Variants in BICDL1 observed in about 807,000 individuals in gnomAD.
BICDL1 encodes the protein BICD family like cargo adaptor 1, also known as BICD family-like cargo adapter 1.
In BICDL1, 20 loss-of-function variants were observed where a neutral mutation model predicts 76.8. The observed-to-expected ratio is 0.26, with a 90% confidence interval of 0.18 to 0.38. BICDL1 has a LOEUF of 0.38. Ranked by LOEUF, BICDL1 falls within the 10% of genes least tolerant of loss-of-function variation. The probability of loss-of-function intolerance (pLI) is 1.00; values close to 1 mark genes in which losing one functional copy is unlikely to be tolerated. For synonymous variants in BICDL1, 383 were observed against 337.1 expected, an observed-to-expected ratio of 1.14 and a Z score of -1.49; for missense variants, 700 against 798.6, an observed-to-expected ratio of 0.88 and a Z score of 1.49.
intron 2 of BICDL1, among the ~76,000 whole-genome samples, chr12:120,026,113 C>T (rs1047804540): frequency 1.3e-5 from 2 of 152,194 alleles, no homozygotes; most frequent in South Asian, 4.1e-4. Flanking sequence ...GCTGGGATTA[C>T]AGGCATGAAC....
rs185429153 is a variant in BICDL1, at chr12:120,094,082, C to A, written c.*921C>A. Reference sequence around the variant, plus strand: ...CACCCCACCTTGAGGGCAGCACAGGCACCACGGGGTGGAGGGGAGGGGGAG... The same window carrying A: ...CACCCCACCTTGAGGGCAGCACAGGAACCACGGGGTGGAGGGGAGGGGGAG... On this transcript the variant is annotated 3_prime_UTR_variant, in exon 10 of 10. Coordinates refer to ENST00000548673, the MANE Select transcript of BICDL1 (RefSeq NM_001367886.1). 1.9e-3 allele frequency: 783 copies of A among 407,974 alleles called. 3 individuals are homozygous for A. Among genetic ancestry groups the A allele is most frequent in the African/African-American group, 0.013 (620 of 48,098 alleles). 25.3% of individuals were successfully genotyped at this position (407,974 alleles called of 1,614,324 possible). A position where few individuals can be genotyped will look rare whatever the true frequency, so the allele number is the denominator to read the frequency against.
intron 2 of BICDL1, among the ~76,000 whole-genome samples, chr12:120,011,996 G>A (rs956526843): frequency 3.9e-5 from 6 of 152,174 alleles, no homozygotes; most frequent in African/African-American, 1.4e-4. Flanking sequence ...CCACATGTAC[G>A]TATGCGATCT....
chr12:119,993,583 T>C (rs1383665215), intron 1 of BICDL1, among the ~76,000 whole-genome samples: 1 of 152,166 alleles, frequency 6.6e-6, no homozygotes. Flanking sequence ...CTGTATTTTG[T>C]TACTCATTCA....
rs75190288 is a variant in BICDL1 at position 120,058,210 on chromosome 12, C to T, written c.646-3500C>T. Among the ~76,000 whole-genome samples, 93 of 152,220 alleles carry T rather than the reference C, an allele frequency of 6.1e-4. 1 individual carries two copies. The highest frequency in any genetic ancestry group is 2.1e-3 in the African/African-American group (89 of 41,530). ...AGCTTTTGCTGTGCATATCCCTGGG[C>T]ATAGTTGAGGAGTCAGACATTTAAA... On this transcript the variant is annotated intron_variant, in intron 2 of 9. Transcript: ENST00000548673.
chr12:120,093,947 TCTC>T lies in BICDL1; in HGVS notation c.*794_*796del, dbSNP rs1199615183. On this transcript the variant is annotated 3_prime_UTR_variant, in exon 10 of 10. Coordinates refer to ENST00000548673, the MANE Select transcript of BICDL1 (RefSeq NM_001367886.1). The stretch of plus-strand genomic sequence containing the variant: ...TGCTCAGGGCTGGGGTTGGACGGGG[TCTC>T]CTCCTCCCACAGCTCCCTCCTCCAC... The T allele has an allele frequency of 7.6e-5, 24 of 317,702 alleles. No individual in the cohort carries two copies. The highest frequency in any genetic ancestry group is 5.2e-4 in the African/African-American group (24 of 46,072). The allele number at this position is 317,702 out of a possible 1,614,324, so 19.7% of individuals were successfully genotyped here. A position where few individuals can be genotyped will look rare whatever the true frequency, so the allele number is the denominator to read the frequency against.
chr12:120,014,332 T>C (rs546255249), intron 2 of BICDL1, among the ~76,000 whole-genome samples: 11 of 152,332 alleles, frequency 7.2e-5, no homozygotes, highest in Non-Finnish European at 1.5e-4. Flanking sequence ...TAAAATTTAA[T>C]GTAGCATCGG....
intron 2 of BICDL1, among the ~76,000 whole-genome samples, chr12:120,001,683 G>A (rs1424138148): frequency 1.3e-5 from 2 of 152,128 alleles, no homozygotes; most frequent in Admixed American, 1.3e-4. Flanking sequence ...GGCCTCCAGG[G>A]CTGCTCTTCT....
intron 8 of BICDL1, among the ~76,000 whole-genome samples, chr12:120,087,264 C>G (rs1874498839): frequency 6.6e-6 from 1 of 152,248 alleles, no homozygotes; most frequent in Admixed American, 6.5e-5. Flanking sequence ...GGCTCGGGTC[C>G]CGTCGCTGCC....
chr12:120,092,312 TG>T (rs1478133833), intron 9 of BICDL1: 15 of 985,262 alleles, frequency 1.5e-5, no homozygotes, highest in African/African-American at 1.7e-5. Context: ...GAATTCGAGT[TG>T]GGGGACGGTC....
At chr12:120,021,443 C>T (rs1248694907) in intron 2 of BICDL1, among the ~76,000 whole-genome samples, 3 of 150,312 alleles carry the variant, frequency 2.0e-5, no homozygotes, top group African/African-American at 4.9e-5. Flanking sequence ...AAAAATTAGC[C>T]GGGCATGGTG....
chr12:120,076,489 T>G lies in BICDL1; in HGVS notation c.1452+1903T>G, dbSNP rs561002673. Among the ~76,000 whole-genome samples the G allele has an allele frequency of 3.3e-5, 5 of 152,346 alleles. No homozygotes were observed. The East Asian group carries it at 9.6e-4, about 29-fold the overall frequency. ...ACTCCACAGTGGATGCGGGGGGCAT[T>G]GTTTTATTCAGAAACATAAGCAAAT... On this transcript the variant is annotated intron_variant, in intron 7 of 9. Transcript: ENST00000548673.
At chr12:120,080,611 T>G (rs542163450) in intron 7 of BICDL1, 82 of 303,776 alleles carry the variant, frequency 2.7e-4, no homozygotes, top group African/African-American at 1.5e-3. Context: ...TATGCCGTGC[T>G]GAGTGCAAAG....
chr12:120,025,287 T>G (rs1050951547), intron 2 of BICDL1, among the ~76,000 whole-genome samples: 2 of 152,034 alleles, frequency 1.3e-5, no homozygotes. Flanking sequence ...CCTGACCTCG[T>G]GATCCGCCCT....
At position 120,071,484 on chromosome 12, in the gene BICDL1, GTAGT is replaced by G; in HGVS notation, c.910-136_910-133del. The stretch of plus-strand genomic sequence containing the variant: ...GATTTTGCTGAGTGCATCTCCTGAT[GTAGT>G]TTAACATGTTCTTCTCTCCTATTTA... On this transcript the variant is annotated intron_variant, in intron 4 of 9. Transcript: ENST00000548673. The surrounding 1 kb of genome is among the most constrained non-coding windows in gnomAD (Gnocchi z 4.8). The G allele has an allele frequency of 2.4e-6, 3 of 1,244,120 alleles. No individual in the cohort carries two copies. The highest frequency in any genetic ancestry group is 3.1e-5 in the African/African-American group (2 of 65,236). The allele number at this position is 1,244,120 out of a possible 1,614,324, so 77.1% of individuals were successfully genotyped here.
In BICDL1 at chr12:119,989,462, G is replaced by GGCGGCA. The variant is rs1555277935; in HGVS notation, c.-405_-404insGGCAGC. On this transcript the variant is annotated 5_prime_UTR_variant, in exon 1 of 10. Coordinates refer to ENST00000548673, the MANE Select transcript of BICDL1 (RefSeq NM_001367886.1). Reference sequence around the variant, plus strand: ...CGTGAGGCGCTGCCCGGCCGGCGGCGGCAGCAGCAGCAGCAGCGGCAGCGG... The same window carrying GGCGGCA: ...CGTGAGGCGCTGCCCGGCCGGCGGCGGCGGCAGCAGCAGCAGCAGCAGCGGCAGCGG... Among the ~76,000 whole-genome samples, 85 of 147,070 alleles carry GGCGGCA rather than the reference G, an allele frequency of 5.8e-4. No individual in the cohort carries two copies. Among genetic ancestry groups the GGCGGCA allele is most frequent in the African/African-American group, 9.1e-4 (37 of 40,550 alleles).
At chr12:120,016,097 G>A (rs910661120) in intron 2 of BICDL1, among the ~76,000 whole-genome samples, 1 of 152,052 alleles carries the variant, frequency 6.6e-6, no homozygotes, top group African/African-American at 2.4e-5. Context: ...ACACTGATCT[G>A]TTTTCTGTCT....
intron 2 of BICDL1, among the ~76,000 whole-genome samples, chr12:120,047,524 C>T (rs533898215): frequency 1.3e-5 from 2 of 152,250 alleles, no homozygotes; most frequent in African/African-American, 4.8e-5. Flanking sequence ...TCTCAAACTG[C>T]ATGTTTTCCT....
intron 2 of BICDL1, among the ~76,000 whole-genome samples, chr12:120,015,713 C>T (rs1330051745): frequency 6.6e-6 from 1 of 152,194 alleles, no homozygotes; most frequent in African/African-American, 2.4e-5. Context: ...AAATGTATAG[C>T]AAACTTGACC....
intron 2 of BICDL1, among the ~76,000 whole-genome samples, chr12:120,024,365 A>G (rs984116346): frequency 2.0e-5 from 3 of 152,322 alleles, no homozygotes; most frequent in South Asian, 2.1e-4. Context: ...AATGCACTAA[A>G]TGTCATTAAT....
Sources: gnomAD v4.1 joint callset for allele counts (sites outside exome capture counted in the v4.1 genomes callset) on GRCh38, gnomAD v4.1.1 for gene constraint, Gnocchi (gnomAD v3.1) non-coding constraint, MANE v1.5 for transcripts, NCBI Gene and HGNC (gene_info 2026-07-23, HGNC 2026-07-21) for gene names.